The following SERINC5 variants were observed in gnomAD, a reference collection of about 807,000 sequenced individuals.
The protein encoded by SERINC5 is serine incorporator 5.
Under a neutral mutation model 63.1 loss-of-function variants are expected in SERINC5, and 41 were observed. The observed-to-expected ratio is 0.65, with a 90% CI of 0.51 to 0.84. The LOEUF (loss-of-function observed/expected upper bound fraction) is 0.84, where lower values mean the gene tolerates loss of function less well. SERINC5 is among the 40% of genes least tolerant of loss of function. The probability of loss-of-function intolerance (pLI) is 0.00; values close to 1 mark genes in which losing one functional copy is unlikely to be tolerated. For synonymous variants in SERINC5, 222 were observed against 215.2 expected, an observed-to-expected ratio of 1.03 and a Z score of -0.28; for missense variants, 523 against 573.0, an observed-to-expected ratio of 0.91 and a Z score of 0.89.
Position 80,139,170 on chromosome 5 carries a change from T to C in SERINC5, c.*4493A>G. 2.0e-6 allele frequency: 2 copies of C among 985,112 alleles called. No individual in the cohort carries two copies. The highest frequency in any genetic ancestry group is 1.7e-5 in the African/African-American group (1 of 57,366). The allele number at this position is 985,112 out of a possible 1,614,324, so 61.0% of individuals were successfully genotyped here. A position where few individuals can be genotyped will look rare whatever the true frequency, so the allele number is the denominator to read the frequency against. On this transcript the variant is annotated 3_prime_UTR_variant, in exon 12 of 12. Coordinates refer to ENST00000507668, the MANE Select transcript of SERINC5 (RefSeq NM_001174072.3). ...CACATAATTTGGCTACAGCTAATCGTTTCAGAAAAGTTTAAAAAATTAGCA... is the reference window on the plus strand; with the variant it reads ...CACATAATTTGGCTACAGCTAATCGCTTCAGAAAAGTTTAAAAAATTAGCA...
intron 1 of SERINC5, among the ~76,000 whole-genome samples, chr5:80,253,759 T>C (rs920363514): frequency 2.0e-5 from 3 of 152,202 alleles, no homozygotes; most frequent in Non-Finnish European, 2.9e-5. Context: ...ATATTCATTG[T>C]TTCATTGTTT....
intron 11 of SERINC5, among the ~76,000 whole-genome samples, chr5:80,122,860 G>C (rs1744603279): frequency 6.6e-6 from 1 of 152,232 alleles, no homozygotes; most frequent in African/African-American, 2.4e-5. Flanking sequence ...TAAGGAACTG[G>C]ATTCAGCCAA....
intron 4 of SERINC5, 65 bp from the exon 5 acceptor site, chr5:80,175,112 A>C: frequency 1.8e-6 from 2 of 1,098,752 alleles, no homozygotes; most frequent in East Asian, 5.3e-5. Context: ...AAAGAGAATA[A>C]CCACAGCTAA....
At chr5:80,190,495 G>A (rs1221409895) in intron 2 of SERINC5, among the ~76,000 whole-genome samples, 1 of 152,166 alleles carries the variant, frequency 6.6e-6, no homozygotes, top group South Asian at 2.1e-4. Flanking sequence ...ACAGCCTAGA[G>A]TTTGAGCATC....
At chr5:80,125,356 C>T (rs1186829581) in intron 11 of SERINC5, among the ~76,000 whole-genome samples, 1 of 152,186 alleles carries the variant, frequency 6.6e-6, no homozygotes, top group East Asian at 1.9e-4. Context: ...CCAAGAAATG[C>T]TTCCTAGAGG....
intron 1 of SERINC5, among the ~76,000 whole-genome samples, chr5:80,217,148 A>G (rs990396470): frequency 3.3e-5 from 5 of 151,642 alleles, no homozygotes; most frequent in Admixed American, 2.6e-4. Context: ...TTTAATTAAA[A>G]TAAGTTTATT....
At chr5:80,173,440 C>CA (rs1747810718) in intron 5 of SERINC5, among the ~76,000 whole-genome samples, 1 of 151,896 alleles carries the variant, frequency 6.6e-6, no homozygotes, top group Non-Finnish European at 1.5e-5. Flanking sequence ...CTAAAAAATA[C>CA]AAAAAATTAG....
At chr5:80,192,038 T>A (rs1049242628) in intron 2 of SERINC5, among the ~76,000 whole-genome samples, 1 of 152,230 alleles carries the variant, frequency 6.6e-6, no homozygotes, top group East Asian at 1.9e-4. Context: ...ATAGCCACAC[T>A]GGTTGGCTGG....
chr5:80,149,564 G>A (rs2112315465), intron 9 of SERINC5, among the ~76,000 whole-genome samples: 1 of 152,342 alleles, frequency 6.6e-6, no homozygotes, highest in East Asian at 1.9e-4. Context: ...GCAGTCAGCA[G>A]CAAGGACCAG....
Position 80,256,030 on chromosome 5 carries a change from CGAA to C in SERINC5, c.-111_-109del, listed in dbSNP as rs1752674768. ...GGCTCAGCCGCAGCTCACACTTGAA[CGAA>C]GATCAGCCTCGGCGAAGCGCCTAGG... On this transcript the variant is annotated 5_prime_UTR_variant, in exon 1 of 12. Coordinates refer to ENST00000507668, the MANE Select transcript of SERINC5 (RefSeq NM_001174072.3). 17 of 1,184,488 alleles carry C rather than the reference CGAA, an allele frequency of 1.4e-5. No individual in the cohort carries two copies. The East Asian group carries it at 5.3e-4, about 37-fold the overall frequency. The allele number at this position is 1,184,488 out of a possible 1,614,324, so 73.4% of individuals were successfully genotyped here.
intron 12 of SERINC5, among the ~76,000 whole-genome samples, chr5:80,112,429 TCTC>T (rs561947300): frequency 5.2e-4 from 79 of 152,148 alleles, no homozygotes; most frequent in African/African-American, 1.8e-3. Context: ...ATCACCCTGT[TCTC>T]CTGCCGCTTC....
At chr5:80,134,914 CACAGAAA>C (rs1745098912), downstream of SERINC5, among the ~76,000 whole-genome samples, 1 of 152,146 alleles carries the variant, frequency 6.6e-6, no homozygotes, top group Admixed American at 6.6e-5. Flanking sequence ...CAGTAAAATC[CACAGAAA>C]ACTCACAATG....
chr5:80,232,689 C>A (rs921436654), intron 1 of SERINC5, among the ~76,000 whole-genome samples: 5 of 151,788 alleles, frequency 3.3e-5, no homozygotes, highest in African/African-American at 1.2e-4. Context: ...GAGGTTGAGG[C>A]AGGAGAATCA....
chr5:80,186,850 T>C (rs1023172759), intron 2 of SERINC5, among the ~76,000 whole-genome samples: 1 of 152,124 alleles, frequency 6.6e-6, no homozygotes, highest in African/African-American at 2.4e-5. Flanking sequence ...ATCGTGTTAC[T>C]TGAGATTAGA....
At chr5:80,181,917 T>C (rs1312768078) in intron 2 of SERINC5, among the ~76,000 whole-genome samples, 1 of 152,210 alleles carries the variant, frequency 6.6e-6, no homozygotes, top group African/African-American at 2.4e-5. Flanking sequence ...AATTCTTTTT[T>C]TCTTTATTGC....
chr5:80,167,429 C>T lies in SERINC5; in HGVS notation c.764-951G>A, dbSNP rs185847309. Among the ~76,000 whole-genome samples, 925 of 152,302 alleles carry T rather than the reference C, an allele frequency of 6.1e-3. 10 individuals carry two copies. Among genetic ancestry groups the T allele is most frequent in the African/African-American group, 0.021 (877 of 41,550 alleles). On this transcript the variant is annotated intron_variant, in intron 6 of 11. Coordinates refer to ENST00000507668, the MANE Select transcript of SERINC5 (RefSeq NM_001174072.3). ...GACATGATCTCTTTCCTTTTTATGG[C>T]TACACCGTATTCCATAGATTCCATA... is the stretch of plus-strand genomic sequence containing the variant.
At chr5:80,133,141 A>G (rs1745014237) in intron 11 of SERINC5, among the ~76,000 whole-genome samples, 1 of 152,054 alleles carries the variant, frequency 6.6e-6, no homozygotes, top group Admixed American at 6.6e-5. Context: ...GCCTGCTCGC[A>G]CTTCACCTTC....
chr5:80,196,720 C>T (rs1178541802), intron 2 of SERINC5, among the ~76,000 whole-genome samples: 1 of 152,172 alleles, frequency 6.6e-6, no homozygotes, highest in Non-Finnish European at 1.5e-5. Context: ...GGGCAGATCA[C>T]TTGAGGTCAG....
chr5:80,195,529 G>T lies in SERINC5; in HGVS notation c.195+7357C>A, dbSNP rs545149448. ...CTTTTTCCACTCATCTCTTTAACTCGCTCCTTTAAGGGGCCTTGTTTCAGG... is the reference window on the plus strand; with the variant it reads ...CTTTTTCCACTCATCTCTTTAACTCTCTCCTTTAAGGGGCCTTGTTTCAGG... On this transcript the variant is annotated intron_variant, in intron 2 of 11. Transcript: ENST00000507668. Among the ~76,000 whole-genome samples the T allele has an allele frequency of 1.2e-4, 18 of 152,106 alleles. No individual in the cohort carries two copies. In the South Asian group the frequency reaches 1.7e-3, roughly 14 times the overall value.
Sources: gnomAD v4.1 joint callset for allele counts (sites outside exome capture counted in the v4.1 genomes callset) on GRCh38, gnomAD v4.1.1 for gene constraint, MANE v1.5 for transcripts, NCBI Gene and HGNC (gene_info 2026-07-23, HGNC 2026-07-21) for gene names.